PKIG: variants seen among roughly 807,000 people sequenced by gnomAD.
PKIG encodes the protein cAMP-dependent protein kinase inhibitor gamma, also known as protein kinase (cAMP-dependent, catalytic) inhibitor gamma.
PKIG carries 1 observed loss-of-function variant against 6.8 expected under a neutral mutation model. The observed-to-expected ratio is 0.15, with a 90% CI of 0.05 to 0.69. The LOEUF is 0.69. Ranked by LOEUF, PKIG falls within the 30% of genes least tolerant of loss-of-function variation. PKIG has a pLI of 0.82. For synonymous variants in PKIG, 39 were observed against 43.0 expected, an observed-to-expected ratio of 0.91 and a Z score of 0.36; for missense variants, 77 against 104.0, an observed-to-expected ratio of 0.74 and a Z score of 1.13.
At chr20:44,552,950 G>A in intron 1 of PKIG, among the ~76,000 whole-genome samples, 1 of 152,008 alleles carries the variant, frequency 6.6e-6, no homozygotes, top group Non-Finnish European at 1.5e-5. Flanking sequence ...TCAATGATCT[G>A]AGTCTGTGTT....
At chr20:44,583,637 T>A (rs2064966253) in intron 1 of PKIG, among the ~76,000 whole-genome samples, 1 of 152,140 alleles carries the variant, frequency 6.6e-6, no homozygotes, top group South Asian at 2.1e-4. Flanking sequence ...AGCTACCATA[T>A]ATTAGAAGGG....
At chr20:44,553,163 G>C (rs929874030) in intron 1 of PKIG, among the ~76,000 whole-genome samples, 1 of 152,208 alleles carries the variant, frequency 6.6e-6, no homozygotes, top group East Asian at 1.9e-4. Context: ...AGAATTTTTA[G>C]GGAATCAGTT....
chr20:44,614,023 T>A lies in PKIG; in HGVS notation c.-23-511T>A, dbSNP rs1168397180. 6.6e-6 allele frequency among the ~76,000 whole-genome samples: 1 copy of A among 152,198 alleles called. No individual in the cohort carries two copies. Among genetic ancestry groups the A allele is most frequent in the Non-Finnish European group, 1.5e-5 (1 of 68,036 alleles). Reference sequence around the variant, plus strand: ...AGTGCTCTTCCCCTCACTCTTCATCTGCATGACGCCTCGTCCTCCTTGGTT... The same window carrying A: ...AGTGCTCTTCCCCTCACTCTTCATCAGCATGACGCCTCGTCCTCCTTGGTT... On this transcript the variant is annotated intron_variant, in intron 2 of 3. Transcript: ENST00000372886. The surrounding 1 kb of genome is among the most constrained non-coding windows in gnomAD (Gnocchi z 4.6).
chr20:44,548,148 C>T (rs921302214), intron 1 of PKIG, among the ~76,000 whole-genome samples: 89 of 152,068 alleles, frequency 5.9e-4, no homozygotes, highest in Non-Finnish European at 4.1e-4. Context: ...AACTGCACTC[C>T]AGCCTGGATG....
At chr20:44,601,482 G>A (rs770698643) in intron 2 of PKIG, among the ~76,000 whole-genome samples, 5 of 152,252 alleles carry the variant, frequency 3.3e-5, no homozygotes, top group Non-Finnish European at 5.9e-5. Context: ...CCAGGTTCTT[G>A]GAATATTCTC....
At chr20:44,536,134 G>A (rs980263564) in intron 1 of PKIG, among the ~76,000 whole-genome samples, 1 of 152,212 alleles carries the variant, frequency 6.6e-6, no homozygotes, top group African/African-American at 2.4e-5. Context: ...TGTAGCATGT[G>A]TCAGAATTTC....
At chr20:44,545,825 A>G (rs962583827) in intron 1 of PKIG, among the ~76,000 whole-genome samples, 1 of 152,064 alleles carries the variant, frequency 6.6e-6, no homozygotes, top group Non-Finnish European at 1.5e-5. Context: ...TCTCCAAAAC[A>G]TATATATACA....
At chr20:44,569,315 T>C (rs1015741009) in intron 1 of PKIG, among the ~76,000 whole-genome samples, 6 of 152,222 alleles carry the variant, frequency 3.9e-5, no homozygotes, top group African/African-American at 1.4e-4. Flanking sequence ...CATTATTCAG[T>C]CCATTATTAT....
At position 44,614,771 on chromosome 20, in the gene PKIG, G is replaced by C; in HGVS notation, c.151+64G>C. The stretch of plus-strand genomic sequence containing the variant: ...AGGCCCTCTGCCGGGCCCCGGGCTA[G>C]CCTCCAAGTCCTAGACTGCCCATAC... On this transcript the variant is annotated intron_variant, in intron 3 of 3. Coordinates refer to ENST00000372886, the MANE Select transcript of PKIG (RefSeq NM_001281445.2). This position sits in a 1 kb window ranked among gnomAD's most constrained non-coding sequence, Gnocchi z 4.6. The C allele has an allele frequency of 6.4e-7, 1 of 1,561,026 alleles. No individual in the cohort carries two copies. Among genetic ancestry groups the C allele is most frequent in the Non-Finnish European group, 8.8e-7 (1 of 1,141,104 alleles).
chr20:44,615,371 C>T (rs1258102670), intron 3 of PKIG, among the ~76,000 whole-genome samples: 1 of 152,250 alleles, frequency 6.6e-6, no homozygotes, highest in African/African-American at 2.4e-5. Context: ...CACTCTCTGA[C>T]AAGGTCTCAG....
intron 1 of PKIG, among the ~76,000 whole-genome samples, chr20:44,536,437 G>A (rs2064512921): frequency 6.6e-6 from 1 of 152,150 alleles, no homozygotes; most frequent in South Asian, 2.1e-4. Context: ...GGTAAAAAAG[G>A]GCAGTGGCAG....
At chr20:44,596,338 G>A (rs2123408114) in intron 2 of PKIG, among the ~76,000 whole-genome samples, 1 of 152,348 alleles carries the variant, frequency 6.6e-6, no homozygotes, top group East Asian at 1.9e-4. Flanking sequence ...AAGAGGAAGA[G>A]GGACTCAGGC....
At chr20:44,542,381 C>T (rs376150273) in intron 1 of PKIG, among the ~76,000 whole-genome samples, 150 of 151,806 alleles carry the variant, frequency 9.9e-4, no homozygotes, top group African/African-American at 3.5e-3. Flanking sequence ...CTACCTACTC[C>T]GTGTTTCTGC....
intron 1 of PKIG, among the ~76,000 whole-genome samples, chr20:44,570,285 A>G (rs960464469): frequency 6.6e-6 from 1 of 152,212 alleles, no homozygotes; most frequent in Admixed American, 6.5e-5. Context: ...ACTTGCCTAA[A>G]CATTTCCAGT....
At chr20:44,538,071 C>T (rs2064528962) in intron 1 of PKIG, among the ~76,000 whole-genome samples, 1 of 152,100 alleles carries the variant, frequency 6.6e-6, no homozygotes, top group Non-Finnish European at 1.5e-5. Flanking sequence ...ATAAGGTATA[C>T]AGTGTCATAT....
At chr20:44,552,643 C>A (rs2064679476) in intron 1 of PKIG, among the ~76,000 whole-genome samples, 1 of 152,152 alleles carries the variant, frequency 6.6e-6, no homozygotes, top group African/African-American at 2.4e-5. Flanking sequence ...CCCCTGTGCG[C>A]CAGGTTCCTT....
intron 1 of PKIG, among the ~76,000 whole-genome samples, chr20:44,585,673 T>G (rs1323641717): frequency 1.3e-5 from 2 of 152,266 alleles, no homozygotes; most frequent in Non-Finnish European, 2.9e-5. Context: ...ATCTGTTAAA[T>G]GATGACAAGT....
At chr20:44,543,033 C>A (rs1262191508) in intron 1 of PKIG, among the ~76,000 whole-genome samples, 1 of 152,174 alleles carries the variant, frequency 6.6e-6, no homozygotes, top group Non-Finnish European at 1.5e-5. Flanking sequence ...CATAAGGAAG[C>A]AGTACAAAGT....
chr20:44,570,468 A>G (rs894354190), intron 1 of PKIG, among the ~76,000 whole-genome samples: 1 of 152,188 alleles, frequency 6.6e-6, no homozygotes, highest in South Asian at 2.1e-4. Flanking sequence ...TAGAGTGTGG[A>G]CTTTGTCGTC....
Sources: allele counts gnomAD v4.1 joint callset (sites outside exome capture counted in the v4.1 genomes callset), GRCh38; gene constraint gnomAD v4.1.1; non-coding constraint Gnocchi (gnomAD v3.1); transcripts MANE v1.5; gene names NCBI Gene and HGNC (gene_info 2026-07-23, HGNC 2026-07-21).